The following AUTS2 variants were observed in gnomAD, a reference collection of about 807,000 sequenced individuals.
AUTS2 encodes the protein autism susceptibility gene 2 protein.
A neutral mutation model predicts 112.4 loss-of-function variants in AUTS2; 17 were observed. The observed-to-expected ratio is 0.15, with a 90% CI of 0.10 to 0.23. AUTS2 has a LOEUF of 0.23. AUTS2 is among the 10% of genes least tolerant of loss of function. The pLI is 1.00. For synonymous variants in AUTS2, 751 were observed against 702.7 expected (o/e 1.07, Z -1.09); for missense variants, 1,510 against 1,701.6 (o/e 0.89, Z 1.98).
In AUTS2 at chr7:70,763,189, G is replaced by A. The variant is rs75092237; in HGVS notation, c.1062G>A (p.Pro354=). 1.2e-3 allele frequency: 1,892 copies of A among 1,613,820 alleles called. 21 individuals carry two copies. The African/African-American group carries it at 0.022, about 19-fold the overall frequency. ...CTGAGGCCCAGCTCCAGCCTGCCCCGCAGCCTCAGGTGCAGAGGCCACCCA... is the reference window on the plus strand; with the variant it reads ...CTGAGGCCCAGCTCCAGCCTGCCCCACAGCCTCAGGTGCAGAGGCCACCCA... ...GPPEAQLQPA[P]QPQVQRPPRP... The change falls in exon 7 of 19, where the codon CCG becomes CCA. Residue 354 remains proline, a synonymous_variant. Transcript: ENST00000342771.
intron 5 of AUTS2, among the ~76,000 whole-genome samples, chr7:70,486,800 A>C (rs552663407): frequency 2.6e-5 from 4 of 151,626 alleles, no homozygotes; most frequent in Non-Finnish European, 5.9e-5. Flanking sequence ...TATTGTTGTC[A>C]CGCGTTGGCT....
chr7:69,640,186 ATGTCTGCAGACTTTACTGTGATCAG>A (rs916698115), intron 1 of AUTS2, among the ~76,000 whole-genome samples: 7 of 23,300 alleles, frequency 3.0e-4, no homozygotes, highest in Non-Finnish European at 8.4e-4. Context: ...AATTTGGAAA[ATGTCTGCAGACTTTACTGTGATCAG>A]GCTGCTAGCA....
chr7:69,655,672 T>C (rs1009568922), intron 1 of AUTS2, among the ~76,000 whole-genome samples: 3 of 152,022 alleles, frequency 2.0e-5, no homozygotes, highest in Non-Finnish European at 4.4e-5. Context: ...CACCCAGAGA[T>C]GAGCTTCTCT....
intron 5 of AUTS2, among the ~76,000 whole-genome samples, chr7:70,440,707 A>G (rs1259386793): frequency 2.0e-5 from 3 of 152,206 alleles, no homozygotes; most frequent in Non-Finnish European, 4.4e-5. Context: ...TAAACCCCTT[A>G]TCCAAACATC....
intron 1 of AUTS2, among the ~76,000 whole-genome samples, chr7:69,889,872 G>A (rs114511165): frequency 6.6e-6 from 1 of 152,200 alleles, no homozygotes; most frequent in African/African-American, 2.4e-5. Flanking sequence ...TCTTCTGGCT[G>A]CCATTACACT....
intron 6 of AUTS2, among the ~76,000 whole-genome samples, chr7:70,741,688 T>C (rs1175503394): frequency 6.9e-6 from 1 of 145,658 alleles, no homozygotes; most frequent in Non-Finnish European, 1.5e-5. Flanking sequence ...TGAAACTCTA[T>C]CTCAAAAAAA....
At chr7:69,665,329 A>G (rs1403447259) in intron 1 of AUTS2, among the ~76,000 whole-genome samples, 1 of 152,214 alleles carries the variant, frequency 6.6e-6, no homozygotes, top group Non-Finnish European at 1.5e-5. Context: ...TAAGATTAAT[A>G]CTGCTCAGCA....
intron 4 of AUTS2, among the ~76,000 whole-genome samples, chr7:70,347,849 G>A (rs184125495): frequency 1.3e-5 from 2 of 152,332 alleles, no homozygotes; most frequent in East Asian, 1.9e-4. Flanking sequence ...ACGGCTCCAG[G>A]AGATGACTCC....
chr7:69,852,659 G>C (rs1002265385), intron 1 of AUTS2, among the ~76,000 whole-genome samples: 1 of 152,056 alleles, frequency 6.6e-6, no homozygotes, highest in Non-Finnish European at 1.5e-5. Context: ...CACCATGTTG[G>C]CCAGGCTGGT....
chr7:70,453,439 G>A (rs1296570067), intron 5 of AUTS2, among the ~76,000 whole-genome samples: 1 of 152,224 alleles, frequency 6.6e-6, no homozygotes, highest in Non-Finnish European at 1.5e-5. Context: ...TTAAGTAACA[G>A]AATGCCTGAT....
chr7:69,906,427 G>C (rs923610016), intron 2 of AUTS2, among the ~76,000 whole-genome samples: 1 of 152,190 alleles, frequency 6.6e-6, no homozygotes, highest in African/African-American at 2.4e-5. Context: ...TTGCACTGGT[G>C]GTGGTGGGGA....
intron 4 of AUTS2, among the ~76,000 whole-genome samples, chr7:70,155,385 G>A (rs554537208): frequency 6.6e-6 from 1 of 152,118 alleles, no homozygotes; most frequent in Admixed American, 6.5e-5. Flanking sequence ...CTGACTGCAT[G>A]GGCTCTTGAA....
At chr7:70,293,931 G>A (rs1373161172) in intron 4 of AUTS2, 2 of 152,184 alleles carry the variant, frequency 1.3e-5, no homozygotes, top group Admixed American at 1.3e-4. Flanking sequence ...GTATCTGAGG[G>A]CTGGAAGGCA....
intron 4 of AUTS2, among the ~76,000 whole-genome samples, chr7:70,175,451 G>T (rs1281779732): frequency 1.3e-5 from 2 of 152,022 alleles, no homozygotes; most frequent in Non-Finnish European, 2.9e-5. Flanking sequence ...CGGTATTTGA[G>T]GATTGACTTC....
intron 2 of AUTS2, among the ~76,000 whole-genome samples, chr7:70,043,033 A>G (rs1801315137): frequency 6.6e-6 from 1 of 150,748 alleles, no homozygotes; most frequent in African/African-American, 2.5e-5. Context: ...AAAAAAAAAA[A>G]CCTTGCAGAG....
At chr7:70,748,390 T>G (rs1262625415) in intron 6 of AUTS2, among the ~76,000 whole-genome samples, 3 of 152,202 alleles carry the variant, frequency 2.0e-5, no homozygotes, top group African/African-American at 7.2e-5. Flanking sequence ...TTTCTTCAAA[T>G]ATAGGGAACA....
At chr7:69,604,485 A>G (rs140236450) in intron 1 of AUTS2, among the ~76,000 whole-genome samples, 184 of 152,352 alleles carry the variant, frequency 1.2e-3, no homozygotes, top group African/African-American at 4.2e-3. Flanking sequence ...TGAATGCCTG[A>G]TATCAACTAA....
intron 6 of AUTS2, among the ~76,000 whole-genome samples, chr7:70,708,115 T>A (rs1163925810): frequency 6.6e-6 from 1 of 152,140 alleles, no homozygotes; most frequent in African/African-American, 2.4e-5. Flanking sequence ...TTGGAAAACA[T>A]TTTCCCCCTC....
At chr7:70,157,350 C>T (rs1397442125) in intron 4 of AUTS2, among the ~76,000 whole-genome samples, 1 of 152,138 alleles carries the variant, frequency 6.6e-6, no homozygotes, top group Non-Finnish European at 1.5e-5. Flanking sequence ...GTAATCTTGG[C>T]TCATTGCAGC....
Sources: gnomAD v4.1 joint callset for allele counts (sites outside exome capture counted in the v4.1 genomes callset) on GRCh38, gnomAD v4.1.1 for gene constraint, MANE v1.5 for transcripts, NCBI Gene and HGNC (gene_info 2026-07-23, HGNC 2026-07-21) for gene names.